Variants in TBC1D19 observed in about 807,000 individuals in gnomAD.
The protein encoded by TBC1D19 is TBC1 domain family, member 19.
A neutral mutation model predicts 89.0 loss-of-function variants in TBC1D19; 60 were observed. The ratio of observed to expected loss-of-function variants is 0.67; its 90% CI spans 0.55 to 0.84. The LOEUF (loss-of-function observed/expected upper bound fraction) is 0.84, where lower values mean the gene tolerates loss of function less well. Among genes scored for constraint, TBC1D19 ranks in the 40% least tolerant of loss-of-function variants. The pLI, the probability that TBC1D19 is intolerant of heterozygous loss-of-function variation, is 0.00. For missense variants in TBC1D19, 500 were observed against 610.8 expected, an observed-to-expected ratio of 0.82 and a Z score of 1.91; for synonymous variants, 189 against 199.7, an observed-to-expected ratio of 0.95 and a Z score of 0.45.
At chr4:26,787,288 G>A in the TBC1D19 span, among the ~76,000 whole-genome samples, 1 of 152,002 alleles carries the variant, frequency 6.6e-6, no homozygotes, top group Non-Finnish European at 1.5e-5. Flanking sequence ...TTTTAATAGA[G>A]ACGGGGTTTC....
intron 19 of TBC1D19, among the ~76,000 whole-genome samples, chr4:26,752,898 C>T (rs906353469): frequency 6.6e-5 from 10 of 152,102 alleles, no homozygotes; most frequent in African/African-American, 2.4e-4. Flanking sequence ...GCTCAAGACA[C>T]TTCTCCTGCC....
At chr4:26,785,547 G>A in the TBC1D19 span, among the ~76,000 whole-genome samples, 1 of 152,218 alleles carries the variant, frequency 6.6e-6, no homozygotes, top group Non-Finnish European at 1.5e-5. Flanking sequence ...TCTGTCTAGT[G>A]GAGGAAGTAT....
intron 7 of TBC1D19, among the ~76,000 whole-genome samples, chr4:26,658,501 A>C (rs1745020076): frequency 1.3e-5 from 2 of 152,122 alleles, no homozygotes; most frequent in African/African-American, 4.8e-5. Context: ...CTTGTAGTAT[A>C]GTTTGAAGTT....
At chr4:26,773,881 G>A in the TBC1D19 span, among the ~76,000 whole-genome samples, 1,919 of 152,276 alleles carry the variant, frequency 0.013, 34 homozygotes, top group African/African-American at 0.043. Flanking sequence ...TTGTAGCATA[G>A]TTTGAAGTTG....
At chr4:26,584,587 A>G (rs1560395538) in intron 1 of TBC1D19, among the ~76,000 whole-genome samples, 1 of 152,010 alleles carries the variant, frequency 6.6e-6, no homozygotes, top group Admixed American at 6.6e-5. Flanking sequence ...AGAAACGCTT[A>G]CTCATTTATC....
At chr4:26,766,383 CAAGTT>C in the TBC1D19 span, among the ~76,000 whole-genome samples, 1 of 152,172 alleles carries the variant, frequency 6.6e-6, no homozygotes, top group African/African-American at 2.4e-5. Flanking sequence ...AGCCCTAAGA[CAAGTT>C]GAGTGGCCTC....
the TBC1D19 span, among the ~76,000 whole-genome samples, chr4:26,845,740 G>A: frequency 6.6e-6 from 1 of 152,222 alleles, no homozygotes; most frequent in Non-Finnish European, 1.5e-5. Flanking sequence ...GAAGGTGAAG[G>A]AGCAGCAAAG....
At chr4:26,796,016 A>T in the TBC1D19 span, among the ~76,000 whole-genome samples, 2 of 152,188 alleles carry the variant, frequency 1.3e-5, no homozygotes, top group Admixed American at 1.3e-4. Context: ...GTACACATTG[A>T]ATCTTGCTTC....
chr4:26,687,740 A>G (rs1460886063), intron 12 of TBC1D19, among the ~76,000 whole-genome samples: 1 of 152,170 alleles, frequency 6.6e-6, no homozygotes, highest in Non-Finnish European at 1.5e-5. Context: ...CTAAAGTGTC[A>G]TAGGGAGGCT....
At chr4:26,723,771 G>T (rs1717127792) in intron 15 of TBC1D19, among the ~76,000 whole-genome samples, 1 of 152,076 alleles carries the variant, frequency 6.6e-6, no homozygotes. Flanking sequence ...TTTAGCCTAG[G>T]TCACTGTTGT....
chr4:26,666,330 C>G lies in TBC1D19; in HGVS notation c.592-3C>G. ...TGTTAATTCTACGTATGTTATTTTT[C>G]AGAAAGAATGCTTTGTGGAACTTGG... is the stretch of plus-strand genomic sequence containing the variant. On this transcript the variant is annotated splice_polypyrimidine_tract_variant and splice_region_variant and intron_variant, in intron 8 of 20. Coordinates refer to ENST00000264866, the MANE Select transcript of TBC1D19 (RefSeq NM_018317.4). 1 of 1,609,208 alleles carries G rather than the reference C, an allele frequency of 6.2e-7. No individual in the cohort carries two copies. The highest frequency in any genetic ancestry group is 8.5e-7 in the Non-Finnish European group (1 of 1,176,920).
At chr4:26,749,571 C>T (rs1008484567) in intron 19 of TBC1D19, among the ~76,000 whole-genome samples, 7 of 151,642 alleles carry the variant, frequency 4.6e-5, no homozygotes, top group East Asian at 1.9e-4. Flanking sequence ...CTCAGCCTCC[C>T]GAATAGCTGA....
chr4:26,827,709 T>G, the TBC1D19 span, among the ~76,000 whole-genome samples: 2 of 116,294 alleles, frequency 1.7e-5, no homozygotes, highest in African/African-American at 6.7e-5. Flanking sequence ...TTTTTTGTTT[T>G]TTGTTTTGTT....
At chr4:26,691,580 AT>A (rs1440697520) in intron 13 of TBC1D19, among the ~76,000 whole-genome samples, 1 of 151,934 alleles carries the variant, frequency 6.6e-6, no homozygotes, top group African/African-American at 2.4e-5. Flanking sequence ...TCAGATGGTT[AT>A]TAGCATTTTT....
At chr4:26,735,581 A>G (rs1337912102) in intron 16 of TBC1D19, 94 bp downstream of exon 16, 1 of 1,183,082 alleles carries the variant, frequency 8.5e-7, no homozygotes, top group Non-Finnish European at 1.2e-6. Context: ...TAATTGTTTT[A>G]CTATAGTAAA....
the TBC1D19 span, among the ~76,000 whole-genome samples, chr4:26,836,872 C>G: frequency 1.3e-5 from 2 of 152,234 alleles, no homozygotes; most frequent in African/African-American, 2.4e-5. Flanking sequence ...GCTCCTTTAA[C>G]CCCTCTGTTT....
rs548919444 is a variant in TBC1D19 at position 26,731,277 on chromosome 4, T to C, written c.1085-4178T>C. Reference sequence around the variant, plus strand: ...AGTAGGGCAGGGACAGGGCCAGAGGTAGAGGAGAACATTGCCTATAGCCCT... The same window carrying C: ...AGTAGGGCAGGGACAGGGCCAGAGGCAGAGGAGAACATTGCCTATAGCCCT... On this transcript the variant is annotated intron_variant, in intron 15 of 20. Coordinates refer to ENST00000264866, the MANE Select transcript of TBC1D19 (RefSeq NM_018317.4). 3.4e-4 allele frequency among the ~76,000 whole-genome samples: 52 copies of C among 151,690 alleles called. 1 individual carries two copies. Among genetic ancestry groups the C allele is most frequent in the African/African-American group, 9.9e-4 (41 of 41,352 alleles).
chr4:26,710,839 G>A (rs929273405), intron 13 of TBC1D19, among the ~76,000 whole-genome samples: 5 of 152,130 alleles, frequency 3.3e-5, no homozygotes, highest in South Asian at 2.1e-4. Context: ...TTTGAGAAGT[G>A]TCTGTTCATA....
At chr4:26,716,261 T>C (rs549448123) in intron 13 of TBC1D19, among the ~76,000 whole-genome samples, 3 of 152,194 alleles carry the variant, frequency 2.0e-5, no homozygotes, top group Admixed American at 2.0e-4. Flanking sequence ...ATTAGTGAAC[T>C]GACTAAAAAA....
Sources: gnomAD v4.1 joint callset for allele counts (sites outside exome capture counted in the v4.1 genomes callset) on GRCh38, gnomAD v4.1.1 for gene constraint, MANE v1.5 for transcripts, NCBI Gene and HGNC (gene_info 2026-07-23, HGNC 2026-07-21) for gene names.